The following SNX3 variants were observed in gnomAD, a reference collection of about 807,000 sequenced individuals.
The protein encoded by SNX3 is sorting nexin-3.
A neutral mutation model predicts 17.7 loss-of-function variants in SNX3; 5 were observed. That is an observed-to-expected ratio of 0.28 (90% CI 0.15 to 0.59). The LOEUF (loss-of-function observed/expected upper bound fraction) is 0.59, where lower values mean the gene tolerates loss of function less well. Among genes scored for constraint, SNX3 ranks in the 20% least tolerant of loss-of-function variants. The probability of loss-of-function intolerance (pLI) is 0.88; values close to 1 mark genes in which losing one functional copy is unlikely to be tolerated. For synonymous variants in SNX3, 91 were observed against 76.5 expected, an observed-to-expected ratio of 1.19 and a Z score of -0.99; for missense variants, 132 against 206.8, an observed-to-expected ratio of 0.64 and a Z score of 2.22.
intron 3 of SNX3, among the ~76,000 whole-genome samples, chr6:108,213,649 CAAAAAAA>C (rs34482948): frequency 3.6e-5 from 3 of 84,426 alleles, no homozygotes; most frequent in Non-Finnish European, 7.3e-5. Context: ...AAGACTGTCT[CAAAAAAA>C]AAAAAAAAAA....
chr6:108,260,630 G>A (rs1254725250), intron 1 of SNX3, 130 bp downstream of exon 1: 2 of 1,036,100 alleles, frequency 1.9e-6, no homozygotes, highest in Admixed American at 4.4e-5. Context: ...TCACGACCCC[G>A]GCCCGCCTCT....
intron 1 of SNX3, among the ~76,000 whole-genome samples, chr6:108,232,424 T>C (rs1033919786): frequency 5.3e-5 from 8 of 152,104 alleles, no homozygotes; most frequent in Admixed American, 1.3e-4. Flanking sequence ...TACCACATTA[T>C]TGGTCTCCAA....
intron 1 of SNX3, among the ~76,000 whole-genome samples, chr6:108,245,825 T>C (rs1230602783): frequency 6.6e-6 from 1 of 152,232 alleles, no homozygotes; most frequent in Non-Finnish European, 1.5e-5. Flanking sequence ...TTTAAGTTCC[T>C]TGTAGATTCT....
At chr6:108,244,522 C>T (rs1195288991) in intron 1 of SNX3, among the ~76,000 whole-genome samples, 1 of 151,888 alleles carries the variant, frequency 6.6e-6, no homozygotes, top group Non-Finnish European at 1.5e-5. Flanking sequence ...TTATTTTAAG[C>T]ATGTTTAAGT....
At chr6:108,236,585 GT>G (rs1249838090) in intron 1 of SNX3, among the ~76,000 whole-genome samples, 3 of 148,212 alleles carry the variant, frequency 2.0e-5, no homozygotes, top group Non-Finnish European at 4.5e-5. Context: ...GGGTTTCACC[GT>G]TTTTTTTTAG....
intron 1 of SNX3, among the ~76,000 whole-genome samples, chr6:108,227,575 T>G (rs998504380): frequency 1.3e-5 from 2 of 152,220 alleles, no homozygotes; most frequent in African/African-American, 4.8e-5. Flanking sequence ...TGATAGTTTA[T>G]ATACTTAAAT....
chr6:108,253,793 C>T (rs1775943150), intron 1 of SNX3, among the ~76,000 whole-genome samples: 1 of 152,078 alleles, frequency 6.6e-6, no homozygotes, highest in Non-Finnish European at 1.5e-5. Context: ...AGGAGAAATC[C>T]TTGCTGCATA....
chr6:108,260,708 T>A (rs1031217784), intron 1 of SNX3, 52 bp downstream of exon 1: 2 of 1,602,300 alleles, frequency 1.2e-6, no homozygotes, highest in Non-Finnish European at 1.7e-6. Context: ...CGAGTGGGGG[T>A]GACCAGAGCC....
At chr6:108,247,856 G>C (rs1479485108) in intron 1 of SNX3, among the ~76,000 whole-genome samples, 1 of 151,990 alleles carries the variant, frequency 6.6e-6, no homozygotes, top group East Asian at 1.9e-4. Flanking sequence ...CCAGCACTTT[G>C]GGAGGCAGAG....
rs1343806565 is a variant in SNX3, at chr6:108,211,545, G to C, written c.*604C>G. 6.6e-6 allele frequency: 1 copy of C among 152,618 alleles called. No homozygotes were observed. Among genetic ancestry groups the C allele is most frequent in the African/African-American group, 2.4e-5 (1 of 41,444 alleles). The allele number at this position is 152,618 out of a possible 1,614,324, so 9.5% of individuals were successfully genotyped here. ...CAGAAATGCATTTTAATTTTTATTTGAAAACAACTTAAATTTTTAGACAAA... is the reference window on the plus strand; with the variant it reads ...CAGAAATGCATTTTAATTTTTATTTCAAAACAACTTAAATTTTTAGACAAA... On this transcript the variant is annotated 3_prime_UTR_variant, in exon 4 of 4. Coordinates refer to ENST00000230085, the MANE Select transcript of SNX3 (RefSeq NM_003795.6).
Position 108,260,884 on chromosome 6 carries a change from G to A in SNX3, c.38C>T (p.Thr13Ile). The change falls in exon 1 of 4, where the codon ACC (threonine) becomes ATC (isoleucine). Residue 13 changes from threonine to isoleucine, a missense_variant. Coordinates refer to ENST00000230085, the MANE Select transcript of SNX3 (RefSeq NM_003795.6). ...ETVADTRRLI[T>I]KPQNLNDAYG... Reference sequence around the variant, plus strand: ...GGCGTCATTCAGGTTCTGCGGCTTGGTGATCAGCCGCCGGGTGTCAGCCAC... The same window carrying A: ...GGCGTCATTCAGGTTCTGCGGCTTGATGATCAGCCGCCGGGTGTCAGCCAC... 1 of 1,610,630 alleles carries A rather than the reference G, an allele frequency of 6.2e-7. No individual in the cohort carries two copies. Among genetic ancestry groups the A allele is most frequent in the Non-Finnish European group, 8.5e-7 (1 of 1,178,386 alleles).
chr6:108,249,287 T>G (rs947154586), intron 1 of SNX3, among the ~76,000 whole-genome samples: 1 of 152,174 alleles, frequency 6.6e-6, no homozygotes, highest in Non-Finnish European at 1.5e-5. Flanking sequence ...CTGGGCATGG[T>G]GGCACGTGCC....
chr6:108,236,539 A>G (rs1352625965), intron 1 of SNX3, among the ~76,000 whole-genome samples: 2 of 150,796 alleles, frequency 1.3e-5, no homozygotes, highest in Admixed American at 6.6e-5. Flanking sequence ...GCCCGCCACT[A>G]CGCCCGGCTA....
intron 3 of SNX3, among the ~76,000 whole-genome samples, chr6:108,213,515 G>A (rs896188248): frequency 5.3e-5 from 8 of 151,868 alleles, no homozygotes; most frequent in African/African-American, 9.7e-5. Context: ...AGCCAGACAC[G>A]ATGGTGCGCA....
At position 108,241,869 on chromosome 6, in the gene SNX3, A is replaced by G. The variant is rs367811999; in HGVS notation, c.163-18824T>C. Among the ~76,000 whole-genome samples the G allele has an allele frequency of 5.9e-5, 9 of 152,344 alleles. No individual in the cohort carries two copies. The East Asian group carries it at 7.7e-4, about 13-fold the overall frequency. ...TCAGAAAATGTCTCTGGGGTGGTTCAGCTGTTCAGCTGTCCAGGATTTCCA... is the reference window on the plus strand; with the variant it reads ...TCAGAAAATGTCTCTGGGGTGGTTCGGCTGTTCAGCTGTCCAGGATTTCCA... On this transcript the variant is annotated intron_variant, in intron 1 of 3. Coordinates refer to ENST00000230085, the MANE Select transcript of SNX3 (RefSeq NM_003795.6).
intron 1 of SNX3, among the ~76,000 whole-genome samples, chr6:108,245,523 A>T (rs1775660980): frequency 6.6e-6 from 1 of 152,180 alleles, no homozygotes; most frequent in African/African-American, 2.4e-5. Flanking sequence ...TCCTTGAGGA[A>T]ATGCCACACT....
At chr6:108,226,933 AT>A (rs1774988796) in intron 1 of SNX3, among the ~76,000 whole-genome samples, 1 of 152,206 alleles carries the variant, frequency 6.6e-6, no homozygotes. Context: ...ACATTTGTTC[AT>A]TGTATAAATG....
chr6:108,226,221 C>T (rs1442590437), intron 1 of SNX3, among the ~76,000 whole-genome samples: 1 of 152,054 alleles, frequency 6.6e-6, no homozygotes, highest in Non-Finnish European at 1.5e-5. Context: ...ACTATAGGCG[C>T]ATGCCATCAC....
chr6:108,259,008 A>C (rs568244043), intron 1 of SNX3, among the ~76,000 whole-genome samples: 1 of 152,328 alleles, frequency 6.6e-6, no homozygotes, highest in South Asian at 2.1e-4. Context: ...GGAAGTATAG[A>C]AACAAGAATA....
Sources: gnomAD v4.1 joint callset for allele counts (sites outside exome capture counted in the v4.1 genomes callset) on GRCh38, gnomAD v4.1.1 for gene constraint, MANE v1.5 for transcripts, NCBI Gene and HGNC (gene_info 2026-07-23, HGNC 2026-07-21) for gene names.